CLEC1A: variants seen among roughly 807,000 people sequenced by gnomAD.
The protein encoded by CLEC1A is C-type lectin domain family 1 member A.
Under a neutral mutation model 28.7 loss-of-function variants are expected in CLEC1A, and 34 were observed. That is an observed-to-expected ratio of 1.18 (90% CI 0.90 to 1.57). The LOEUF (loss-of-function observed/expected upper bound fraction) is 1.57. Among genes scored for constraint, CLEC1A ranks in the 40% most tolerant of loss-of-function variants. The probability of loss-of-function intolerance (pLI) is 0.00; values close to 1 mark genes in which losing one functional copy is unlikely to be tolerated. For missense variants in CLEC1A, 385 were observed against 339.5 expected (o/e 1.13, Z -1.05); for synonymous variants, 116 against 121.0 (o/e 0.96, Z 0.27).
At chr12:10,097,328 C>T (rs1947791000) in intron 1 of CLEC1A, among the ~76,000 whole-genome samples, 1 of 151,982 alleles carries the variant, frequency 6.6e-6, no homozygotes, top group Non-Finnish European at 1.5e-5. Context: ...TCCACATTGC[C>T]GAAAATTTCT....
chr12:10,071,367 T>G lies in CLEC1A; in HGVS notation c.809A>C (p.His270Pro). 8 of 1,613,868 alleles carry G rather than the reference T, an allele frequency of 5.0e-6. No individual in the cohort carries two copies. The highest frequency in any genetic ancestry group is 6.8e-6 in the Non-Finnish European group (8 of 1,179,844). ...TTCGCCTAATGTTTCAGGGGGGACA[T>G]GGAGGCTCTCTGGCTTCACCATTCC... ...RAGMVKPESL[H>P]VPPETLGEGD The change falls in exon 6 of 6, where the codon CAT (histidine) becomes CCT (proline). Residue 270 changes from histidine (H) to proline (P), a missense_variant. Physicochemically the swap from His to Pro is moderately conservative, Grantham distance 77. Transcript: ENST00000315330.
At chr12:10,073,032 C>T (rs746714933) in intron 5 of CLEC1A, among the ~76,000 whole-genome samples, 1 of 152,072 alleles carries the variant, frequency 6.6e-6, no homozygotes, top group East Asian at 1.9e-4. Flanking sequence ...GTGAGCAGAG[C>T]TTGCACCACT....
intron 1 of CLEC1A, among the ~76,000 whole-genome samples, chr12:10,096,852 G>A (rs2137378119): frequency 6.6e-6 from 1 of 152,224 alleles, no homozygotes; most frequent in Middle Eastern, 3.4e-3. Flanking sequence ...CAACTCCACA[G>A]TTGCTCCTTC....
intron 1 of CLEC1A, among the ~76,000 whole-genome samples, chr12:10,095,910 ATTC>A (rs571499155): frequency 1.1e-3 from 173 of 152,056 alleles, no homozygotes; most frequent in Middle Eastern, 3.4e-3. Flanking sequence ...GGAATCTTTC[ATTC>A]TTCTTGCTCC....
Position 10,075,645 on chromosome 12 carries a change from G to A in CLEC1A, c.402C>T (p.Cys134=), listed in dbSNP as rs1866236551. Residue 134 remains cysteine (C), a synonymous_variant, in exon 4 of 6, where the codon TGC becomes TGT. Transcript: ENST00000315330. ...ATTTCCATTGTTCTGTACAAGGGCT[G>A]CACCTGTGTGCTTGGAAAAAAGCCA... is the stretch of plus-strand genomic sequence containing the variant. ...ELYNKAGAHR[C]SPCTEQWKWH... The A allele has an allele frequency of 6.2e-7, 1 of 1,611,910 alleles. No homozygotes were observed.
rs1225746439 is a variant in CLEC1A, at chr12:10,075,547, C to G, written c.500G>C (p.Ser167Thr). 10 of 1,614,012 alleles carry G rather than the reference C, an allele frequency of 6.2e-6. No homozygotes were observed. The highest frequency in any genetic ancestry group is 8.5e-6 in the Non-Finnish European group (10 of 1,179,946). ...SWEDCKYFCL[S>T]ENSTMLKINK... Reference sequence around the variant, plus strand: ...TATCTTCAGCATGGTAGAGTTTTCACTAAGGCAGAAATATTTACAGTCCTC... The same window carrying G: ...TATCTTCAGCATGGTAGAGTTTTCAGTAAGGCAGAAATATTTACAGTCCTC... Residue 167 changes from serine to threonine, a missense_variant, in exon 4 of 6, where the codon AGT becomes ACT. By Grantham distance (58) the Ser-to-Thr change is moderately conservative. Coordinates refer to ENST00000315330, the MANE Select transcript of CLEC1A (RefSeq NM_016511.4).
intron 1 of CLEC1A, among the ~76,000 whole-genome samples, chr12:10,094,295 T>C (rs527335176): frequency 1.2e-4 from 19 of 152,152 alleles, no homozygotes; most frequent in African/African-American, 4.6e-4. Flanking sequence ...AAGGTAGATA[T>C]TATTATCTCA....
chr12:10,080,130 G>A (rs1389759639), intron 3 of CLEC1A, among the ~76,000 whole-genome samples: 1 of 152,100 alleles, frequency 6.6e-6, no homozygotes, highest in African/African-American at 2.4e-5. Context: ...CCAACACAGT[G>A]AAAACCCATC....
At position 10,091,360 on chromosome 12, in the gene CLEC1A, A is replaced by G. The variant is rs1947700499; in HGVS notation, c.116-2138T>C. ...TAAACTATTTAAGTTTTAAAGAGAT[A>G]AGTGGGTTCTCCAAAGTTAAGTTTA... On this transcript the variant is annotated intron_variant, in intron 1 of 5. Transcript: ENST00000315330. Among the ~76,000 whole-genome samples the G allele has an allele frequency of 2.0e-5, 3 of 152,080 alleles. No individual in the cohort carries two copies. In the South Asian group the frequency reaches 6.2e-4, roughly 32 times the overall value.
chr12:10,078,814 C>G (rs1866306739), intron 3 of CLEC1A, among the ~76,000 whole-genome samples: 2 of 152,054 alleles, frequency 1.3e-5, no homozygotes, highest in South Asian at 4.2e-4. Context: ...GAAGCAGATC[C>G]CTTATGAACA....
At position 10,081,237 on chromosome 12, in the gene CLEC1A, C is replaced by T. The variant is rs1286775983; in HGVS notation, c.391G>A (p.Ala131Thr). ...GACAGAGTGACCAGGACACACTTAC[C>T]TCCAGCTTTGTTATACAGCTCACGA... ...LCRELYNKAG[A>T]HRCSPCTEQW... The change falls in exon 3 of 6, where the codon GCA becomes ACA. Residue 131 changes from alanine (A) to threonine (T), a missense_variant and splice_region_variant. Coordinates refer to ENST00000315330, the MANE Select transcript of CLEC1A (RefSeq NM_016511.4). 2 of 1,574,968 alleles carry T rather than the reference C, an allele frequency of 1.3e-6. No individual in the cohort carries two copies. The highest frequency in any genetic ancestry group is 1.8e-5 in the Admixed American group (1 of 54,322).
At chr12:10,090,165 C>A (rs2137365104) in intron 1 of CLEC1A, among the ~76,000 whole-genome samples, 1 of 152,306 alleles carries the variant, frequency 6.6e-6, no homozygotes, top group South Asian at 2.1e-4. Context: ...GTTAGTTCTA[C>A]TTCACTGAGA....
At chr12:10,076,255 A>G (rs113377020) in intron 3 of CLEC1A, among the ~76,000 whole-genome samples, 5 of 152,120 alleles carry the variant, frequency 3.3e-5, no homozygotes, top group Non-Finnish European at 4.4e-5. Context: ...TTTTAACCCT[A>G]TGTGGATACA....
At chr12:10,075,411 A>G in intron 4 of CLEC1A, 93 bp downstream of exon 4, 1 of 1,364,134 alleles carries the variant, frequency 7.3e-7, no homozygotes, top group Non-Finnish European at 1.0e-6. Flanking sequence ...AAACCTGTGG[A>G]CCGATATTCT....
At chr12:10,084,666 C>T (rs1276662375) in intron 2 of CLEC1A, among the ~76,000 whole-genome samples, 1 of 151,356 alleles carries the variant, frequency 6.6e-6, no homozygotes, top group African/African-American at 2.4e-5. Context: ...ACTAAAAATA[C>T]AAAAAATTAG....
At chr12:10,083,991 A>G (rs1474124150) in intron 2 of CLEC1A, among the ~76,000 whole-genome samples, 1 of 98,974 alleles carries the variant, frequency 1.0e-5, no homozygotes, top group Admixed American at 9.6e-5. Flanking sequence ...TCTGACAAAG[A>G]CAAAGATAAT....
intron 1 of CLEC1A, among the ~76,000 whole-genome samples, chr12:10,091,473 C>T (rs967516154): frequency 4.6e-5 from 7 of 151,838 alleles, no homozygotes; most frequent in Admixed American, 6.6e-5. Context: ...AATACATCTC[C>T]CAGCCATGTT....
At chr12:10,095,870 C>G in intron 1 of CLEC1A, among the ~76,000 whole-genome samples, 1 of 152,166 alleles carries the variant, frequency 6.6e-6, no homozygotes, top group East Asian at 1.9e-4. Context: ...TTCTACCACT[C>G]TCTGCTATTC....
chr12:10,083,115 A>G (rs7975127), intron 2 of CLEC1A, among the ~76,000 whole-genome samples: 72,020 of 152,084 alleles, frequency 0.47, 20,621 homozygotes, highest in Middle Eastern at 0.73. Flanking sequence ...GAGAATAACA[A>G]TCACTGCAGT....
Sources: allele counts gnomAD v4.1 joint callset (sites outside exome capture counted in the v4.1 genomes callset), GRCh38; gene constraint gnomAD v4.1.1; transcripts MANE v1.5; gene names NCBI Gene and HGNC (gene_info 2026-07-23, HGNC 2026-07-21).